NOD2: variants seen among roughly 807,000 people sequenced by gnomAD.
The protein encoded by NOD2 is nucleotide-binding oligomerization domain-containing protein 2.
Under a neutral mutation model 90.9 loss-of-function variants are expected in NOD2, and 86 were observed. The ratio of observed to expected loss-of-function variants is 0.95; its 90% confidence interval spans 0.79 to 1.13. The LOEUF (loss-of-function observed/expected upper bound fraction) is 1.13, where lower values mean the gene tolerates loss of function less well. Ranked by LOEUF, NOD2 falls within the 50% of genes most tolerant of loss-of-function variation. The probability of loss-of-function intolerance (pLI) is 0.00; values close to 1 mark genes in which losing one functional copy is unlikely to be tolerated. For missense variants in NOD2, 1,238 were observed against 1,283.8 expected, an observed-to-expected ratio of 0.96 and a Z score of 0.55; for synonymous variants, 581 against 554.6, an observed-to-expected ratio of 1.05 and a Z score of -0.67.
At chr16:50,720,176 T>C (rs892648262) in intron 7 of NOD2, among the ~76,000 whole-genome samples, 168 bp downstream of exon 7, 4 of 152,100 alleles carry the variant, frequency 2.6e-5, no homozygotes, top group Admixed American at 1.3e-4. Flanking sequence ...CCTTCATACT[T>C]GGTCTATGCC....
intron 2 of NOD2, among the ~76,000 whole-genome samples, chr16:50,700,260 T>A (rs1461944914): frequency 4.6e-5 from 7 of 152,226 alleles, no homozygotes; most frequent in Admixed American, 2.6e-4. Context: ...TAGCTGGGAC[T>A]ACGGCTGCTG....
rs1333485422 is a variant in NOD2, at chr16:50,712,088, C to T, written c.2096C>T (p.Ala699Val). 1 of 1,613,860 alleles carries T rather than the reference C, an allele frequency of 6.2e-7. No individual in the cohort carries two copies. The highest frequency in any genetic ancestry group is 8.5e-7 in the Non-Finnish European group (1 of 1,179,990). The change falls in exon 4 of 12, where the codon GCA becomes GTA. Residue 699 changes from alanine to valine, a missense_variant. Coordinates refer to ENST00000647318, the MANE Select transcript of NOD2 (RefSeq NM_001370466.1). ...RKHFHSIPPA[A>V]PGEAKSVHAM... ...CACTTCCACTCCATCCCGCCAGCTG[C>T]ACCGGGTGAGGCCAAGAGCGTGCAT...
intron 6 of NOD2, among the ~76,000 whole-genome samples, chr16:50,719,144 G>T (rs1004024092): frequency 6.6e-6 from 1 of 152,230 alleles, no homozygotes; most frequent in African/African-American, 2.4e-5. Flanking sequence ...GAGCACAGCA[G>T]CTGGGGCCCT....
chr16:50,710,828 G>T lies in NOD2; in HGVS notation c.836G>T (p.Ser279Ile). Residue 279 changes from serine to isoleucine, a missense_variant, in exon 4 of 12, where the codon AGC (serine) becomes ATC (isoleucine). Physicochemically the swap from Ser to Ile is moderately radical, Grantham distance 142. Around this residue, in one of 3 missense-constraint regions of NOD2, gnomAD observed 567 missense variants for 577.3 expected, o/e 0.98. Coordinates refer to ENST00000647318, the MANE Select transcript of NOD2 (RefSeq NM_001370466.1). ...GTGGGTGAGGCGGGCAGTGGCAAGA[G>T]CACGCTCCTGCAGCGGCTGCACTTG... ...LVVGEAGSGK[S>I]TLLQRLHLLW... is the part of the protein sequence containing the mutation. The T allele has an allele frequency of 6.2e-7, 1 of 1,614,090 alleles. No individual in the cohort carries two copies. Among genetic ancestry groups the T allele is most frequent in the Non-Finnish European group, 8.5e-7 (1 of 1,180,018 alleles).
intron 7 of NOD2, among the ~76,000 whole-genome samples, chr16:50,721,250 A>G (rs1318110598): frequency 6.6e-6 from 1 of 151,626 alleles, no homozygotes; most frequent in Non-Finnish European, 1.5e-5. Context: ...CATCTGCCAC[A>G]TCAGGGGTAT....
chr16:50,715,270 T>G (rs1227691861), intron 4 of NOD2, among the ~76,000 whole-genome samples: 5 of 152,352 alleles, frequency 3.3e-5, no homozygotes, highest in East Asian at 3.9e-4. Context: ...ACTGGCTTGT[T>G]GTGAGGATGA....
At chr16:50,698,850 C>T (rs369518318) in intron 1 of NOD2, among the ~76,000 whole-genome samples, 1 of 151,952 alleles carries the variant, frequency 6.6e-6, no homozygotes, top group East Asian at 1.9e-4. Flanking sequence ...ATCCAGCCAG[C>T]ATGAAAGAGC....
At chr16:50,707,686 A>G (rs1964260913) in intron 2 of NOD2, among the ~76,000 whole-genome samples, 169 bp from the exon 3 acceptor site, 1 of 152,228 alleles carries the variant, frequency 6.6e-6, no homozygotes, top group South Asian at 2.1e-4. Flanking sequence ...TCAATTCACC[A>G]TCCAACACTG....
At chr16:50,696,775 C>T (rs1350507518) in intron 1 of NOD2, among the ~76,000 whole-genome samples, 1 of 152,168 alleles carries the variant, frequency 6.6e-6, no homozygotes, top group Non-Finnish European at 1.5e-5. Context: ...GGAAGAAGGC[C>T]AGGGCAGAGG....
rs771336423 is a variant in NOD2, at chr16:50,699,684, C to T, written c.189C>T (p.Asp63=). 7 of 1,614,212 alleles carry T rather than the reference C, an allele frequency of 4.3e-6. No homozygotes were observed. The Admixed American group carries it at 6.7e-5, about 15-fold the overall frequency. The change falls in exon 2 of 12, where the codon GAC becomes GAT. Residue 63 remains aspartate, a synonymous_variant. Coordinates refer to ENST00000647318, the MANE Select transcript of NOD2 (RefSeq NM_001370466.1). ...CCCACTTGGCCAGGCGCCTTCTGGA[C>T]ACCGTCTGGAATAAGGGTACTTGGG... is the stretch of plus-strand genomic sequence containing the variant. The part of the protein sequence containing the change: ...PLSHLARRLL[D]TVWNKGTWAC...
intron 1 of NOD2, chr16:50,697,599 C>T (rs994798550): frequency 2.1e-6 from 1 of 481,720 alleles, no homozygotes; most frequent in African/African-American, 2.0e-5. Context: ...TTCCCCTGTC[C>T]TCGGCCACCC....
chr16:50,721,167 A>T (rs2084815607), intron 7 of NOD2, among the ~76,000 whole-genome samples: 1 of 151,812 alleles, frequency 6.6e-6, no homozygotes. Flanking sequence ...TCTTTTCCAC[A>T]CTGCATTAGT....
chr16:50,722,091 A>T lies in NOD2; in HGVS notation c.2634-531A>T, dbSNP rs541938000. ...GTTGGGATCTACCTTTTGGAAAGGGATGTTTTCAAACTACAGTGAGTCAGA... is the reference window on the plus strand; with the variant it reads ...GTTGGGATCTACCTTTTGGAAAGGGTTGTTTTCAAACTACAGTGAGTCAGA... On this transcript the variant is annotated intron_variant, in intron 7 of 11. Transcript: ENST00000647318. 5.4e-4 allele frequency among the ~76,000 whole-genome samples: 82 copies of T among 152,232 alleles called. 1 individual carries two copies. The highest frequency in any genetic ancestry group is 3.2e-3 in the Middle Eastern group (1 of 316).
At chr16:50,699,021 G>C (rs1020741541) in intron 1 of NOD2, among the ~76,000 whole-genome samples, 1 of 150,774 alleles carries the variant, frequency 6.6e-6, no homozygotes, top group Non-Finnish European at 1.5e-5. Context: ...TCTGCCTCCC[G>C]GGTTCAAGTG....
At chr16:50,706,833 A>T (rs1215637616) in intron 2 of NOD2, among the ~76,000 whole-genome samples, 1 of 151,684 alleles carries the variant, frequency 6.6e-6, no homozygotes, top group Non-Finnish European at 1.5e-5. Context: ...AGTACCTGGG[A>T]CTACAGGCAC....
At position 50,707,971 on chromosome 16, in the gene NOD2, G is replaced by A; in HGVS notation, c.565+11G>A. 1.9e-6 allele frequency: 3 copies of A among 1,573,730 alleles called. No individual in the cohort carries two copies. Among genetic ancestry groups the A allele is most frequent in the African/African-American group, 1.3e-5 (1 of 74,238 alleles). ...CCCTGCCTTTGGAAGGTAGGTGTAT[G>A]TTCTCAGTTAATCAGAAAGGGAAGG... is the stretch of plus-strand genomic sequence containing the variant. On this transcript the variant is annotated intron_variant, in intron 3 of 11. Coordinates refer to ENST00000647318, the MANE Select transcript of NOD2 (RefSeq NM_001370466.1).
intron 1 of NOD2, among the ~76,000 whole-genome samples, chr16:50,695,174 A>G (rs1963590335): frequency 6.6e-6 from 1 of 150,700 alleles, no homozygotes; most frequent in Non-Finnish European, 1.5e-5. Context: ...GGGTGGGGTA[A>G]GGGCAGAAGG....
At chr16:50,704,493 A>G (rs776047348) in intron 2 of NOD2, among the ~76,000 whole-genome samples, 1 of 150,798 alleles carries the variant, frequency 6.6e-6, no homozygotes, top group African/African-American at 2.4e-5. Context: ...TTATTCCATT[A>G]TCCTCTCTTT....
At position 50,710,937 on chromosome 16, in the gene NOD2, ACT is replaced by A. The variant is rs1263699489; in HGVS notation, c.950_951del (p.Ser317CysfsTer7). On this transcript the variant is annotated frameshift_variant, in exon 4 of 12. Coordinates refer to ENST00000647318, the MANE Select transcript of NOD2 (RefSeq NM_001370466.1). LOFTEE classifies it high-confidence loss of function. The stretch of plus-strand genomic sequence containing the variant: ...GGCAGCTGCAGTGCATGGCCAAACC[ACT>A]CTCTGTGCGGACTCTACTCTTTGAG... ...CRQLQCMAKP[L>X]SVRTLLFEHC... The A allele has an allele frequency of 5.0e-6, 8 of 1,612,886 alleles. No individual in the cohort carries two copies. Among genetic ancestry groups the A allele is most frequent in the Non-Finnish European group, 4.2e-6 (5 of 1,179,736 alleles).
Sources: gnomAD v4.1 joint callset for allele counts (sites outside exome capture counted in the v4.1 genomes callset) on GRCh38, gnomAD v4.1.1 for gene constraint, gnomAD v4.1.1 regional missense constraint, MANE v1.5 for transcripts, NCBI Gene and HGNC (gene_info 2026-07-23, HGNC 2026-07-21) for gene names.